Variants in NYAP2 observed in about 807,000 individuals in gnomAD.
NYAP2 encodes neuronal tyrosine-phosphorylated phosphoinositide-3-kinase adaptor 2.
NYAP2 carries 23 observed loss-of-function variants against 50.4 expected under a neutral mutation model. The observed-to-expected ratio is 0.46, with a 90% CI of 0.33 to 0.65. The LOEUF (loss-of-function observed/expected upper bound fraction) is 0.65, where lower values mean the gene tolerates loss of function less well. NYAP2 is among the 30% of genes least tolerant of loss of function. NYAP2 has a pLI of 0.02. For missense variants in NYAP2, 885 were observed against 861.0 expected, an observed-to-expected ratio of 1.03 and a Z score of -0.35; for synonymous variants, 394 against 365.2, an observed-to-expected ratio of 1.08 and a Z score of -0.90.
At chr2:225,487,392 C>G (rs996552613) in intron 3 of NYAP2, among the ~76,000 whole-genome samples, 5 of 151,784 alleles carry the variant, frequency 3.3e-5, no homozygotes, top group African/African-American at 1.2e-4. Flanking sequence ...CAGAGTCTTG[C>G]TCTGTCACCC....
the NYAP2 span, among the ~76,000 whole-genome samples, chr2:225,662,595 T>C: frequency 5.3e-5 from 8 of 152,270 alleles, no homozygotes; most frequent in African/African-American, 1.7e-4. Context: ...AAGTAAATGC[T>C]GCATTAGAGC....
At chr2:225,611,334 C>G (rs1472111600) in intron 5 of NYAP2, among the ~76,000 whole-genome samples, 2 of 152,108 alleles carry the variant, frequency 1.3e-5, no homozygotes, top group Non-Finnish European at 2.9e-5. Flanking sequence ...AAACATTCAG[C>G]TGCTTTTCTT....
At chr2:225,439,117 C>T (rs930915407) in intron 3 of NYAP2, among the ~76,000 whole-genome samples, 3 of 152,000 alleles carry the variant, frequency 2.0e-5, no homozygotes, top group Non-Finnish European at 4.4e-5. Flanking sequence ...CCACCAGTGC[C>T]CAGGATCTTG....
intron 5 of NYAP2, among the ~76,000 whole-genome samples, chr2:225,615,736 G>T (rs1287343193): frequency 6.6e-6 from 1 of 152,100 alleles, no homozygotes; most frequent in East Asian, 1.9e-4. Context: ...TTCTGGAGCT[G>T]ATTGGAGCTG....
chr2:225,592,589 A>G (rs554644835), intron 5 of NYAP2, among the ~76,000 whole-genome samples: 1 of 152,318 alleles, frequency 6.6e-6, no homozygotes, highest in Non-Finnish European at 1.5e-5. Flanking sequence ...ATGAGGTTAA[A>G]TAGAGTATAA....
intron 4 of NYAP2, among the ~76,000 whole-genome samples, chr2:225,535,373 ATAGT>A (rs780821257): frequency 3.9e-5 from 6 of 152,198 alleles, no homozygotes; most frequent in South Asian, 2.1e-4. Context: ...GTTCCCAAAG[ATAGT>A]TAGGAGATGT....
chr2:225,505,022 T>C (rs989818661), intron 3 of NYAP2, among the ~76,000 whole-genome samples: 1 of 140,138 alleles, frequency 7.1e-6, no homozygotes, highest in South Asian at 2.4e-4. Flanking sequence ...AAAAAAAAAA[T>C]CATCATCATC....
chr2:225,463,606 T>G (rs1451982939), intron 3 of NYAP2, among the ~76,000 whole-genome samples: 3 of 152,242 alleles, frequency 2.0e-5, no homozygotes, highest in Non-Finnish European at 4.4e-5. Flanking sequence ...TTATTGTCAA[T>G]CAAGATTTAA....
rs190607814 is a variant in NYAP2, at chr2:225,577,428, C to A, written c.524-4513C>A. On this transcript the variant is annotated intron_variant, in intron 4 of 6. Transcript: ENST00000636099. The stretch of plus-strand genomic sequence containing the variant: ...TGTAACTCAAGACTATTTTTAAGTA[C>A]CTTATAAAGAAGTGGCATTTTAAAT... Among the ~76,000 whole-genome samples, 92 of 151,764 alleles carry A rather than the reference C, an allele frequency of 6.1e-4. No individual in the cohort carries two copies. In the East Asian group the frequency reaches 0.014, roughly 23 times the overall value.
At chr2:225,513,199 A>G (rs1208298067) in intron 3 of NYAP2, among the ~76,000 whole-genome samples, 172 bp from the exon 4 acceptor site, 2 of 152,230 alleles carry the variant, frequency 1.3e-5, no homozygotes, top group Non-Finnish European at 2.9e-5. Flanking sequence ...ACAAAATTTA[A>G]CACAAAAGTT....
chr2:225,682,599 G>A, the NYAP2 span, among the ~76,000 whole-genome samples: 7 of 152,210 alleles, frequency 4.6e-5, no homozygotes, highest in South Asian at 4.2e-4. Flanking sequence ...TTGTCATTAC[G>A]GTTTTTATGA....
intron 4 of NYAP2, among the ~76,000 whole-genome samples, chr2:225,519,097 A>G (rs1223463073): frequency 6.6e-6 from 1 of 152,070 alleles, no homozygotes; most frequent in Non-Finnish European, 1.5e-5. Context: ...AATATTCCTC[A>G]GTTGTAATAA....
intron 6 of NYAP2, among the ~76,000 whole-genome samples, chr2:225,633,208 C>T (rs1236548582): frequency 6.6e-6 from 1 of 152,296 alleles, no homozygotes; most frequent in Non-Finnish European, 1.5e-5. Flanking sequence ...CAGCCCTTGG[C>T]TTATGAACAA....
At chr2:225,467,145 T>C (rs1689933725) in intron 3 of NYAP2, among the ~76,000 whole-genome samples, 1 of 152,118 alleles carries the variant, frequency 6.6e-6, no homozygotes, top group African/African-American at 2.4e-5. Flanking sequence ...ATGCGCAGTG[T>C]GTTTACCGGA....
intron 4 of NYAP2, among the ~76,000 whole-genome samples, chr2:225,581,116 C>T (rs922670254): frequency 1.7e-4 from 26 of 152,274 alleles, no homozygotes; most frequent in African/African-American, 6.0e-4. Context: ...CTGTGCAATA[C>T]GTTGGTACAC....
At chr2:225,463,857 A>G (rs1689873937) in intron 3 of NYAP2, among the ~76,000 whole-genome samples, 2 of 151,830 alleles carry the variant, frequency 1.3e-5, no homozygotes, top group South Asian at 4.2e-4. Context: ...ATCCTGGAAA[A>G]CTCTGCTTGT....
At chr2:225,493,071 T>C (rs1690436938) in intron 3 of NYAP2, among the ~76,000 whole-genome samples, 1 of 151,860 alleles carries the variant, frequency 6.6e-6, no homozygotes, top group African/African-American at 2.4e-5. Context: ...ACTGCAGCCT[T>C]ACCTCCCAGT....
the NYAP2 span, among the ~76,000 whole-genome samples, chr2:225,682,457 A>C: frequency 6.6e-6 from 1 of 152,166 alleles, no homozygotes; most frequent in African/African-American, 2.4e-5. Context: ...GTAGCTACAA[A>C]CTATTAGAAA....
chr2:225,545,592 T>C (rs1691565223), intron 4 of NYAP2, among the ~76,000 whole-genome samples: 1 of 152,204 alleles, frequency 6.6e-6, no homozygotes, highest in Admixed American at 6.5e-5. Flanking sequence ...ATTTTTTCTC[T>C]GTGTTATCTT....
Sources: allele counts gnomAD v4.1 joint callset (sites outside exome capture counted in the v4.1 genomes callset), GRCh38; gene constraint gnomAD v4.1.1; transcripts MANE v1.5; gene names NCBI Gene and HGNC (gene_info 2026-07-23, HGNC 2026-07-21).